The following DLEC1 variants were observed in gnomAD, a reference collection of about 807,000 sequenced individuals.
The protein encoded by DLEC1 is DLEC1 cilia and flagella associated protein.
A neutral mutation model predicts 198.1 loss-of-function variants in DLEC1; 146 were observed. The observed-to-expected ratio is 0.74, with a 90% CI of 0.64 to 0.85. The LOEUF is 0.85. Among genes scored for constraint, DLEC1 ranks in the 40% least tolerant of loss-of-function variants. The probability of loss-of-function intolerance (pLI) is 0.00; values close to 1 mark genes in which losing one functional copy is unlikely to be tolerated. For synonymous variants in DLEC1, 897 were observed against 866.8 expected (o/e 1.03, Z -0.61); for missense variants, 2,233 against 2,220.0 (o/e 1.01, Z -0.12).
intron 6 of DLEC1, among the ~76,000 whole-genome samples, chr3:38,073,614 G>T (rs1049936867): frequency 6.6e-6 from 1 of 152,132 alleles, no homozygotes; most frequent in African/African-American, 2.4e-5. Context: ...AGATAATTTG[G>T]TTAAAATATC....
chr3:38,082,716 GC>G (rs1698116735), intron 6 of DLEC1, among the ~76,000 whole-genome samples: 1 of 151,800 alleles, frequency 6.6e-6, no homozygotes, highest in East Asian at 1.9e-4. Flanking sequence ...TGGGGTACTT[GC>G]CCCTCCCCCA....
Position 38,116,516 on chromosome 3 carries a change from T to C in DLEC1, c.3920T>C (p.Leu1307Pro), listed in dbSNP as rs777504635. 9.9e-6 allele frequency: 16 copies of C among 1,614,086 alleles called. No homozygotes were observed. Among genetic ancestry groups the C allele is most frequent in the South Asian group, 3.3e-5 (3 of 91,080 alleles). The part of the protein sequence containing the change: ...EDKEDRLVEL[L>P]VFYGPPFPLR... ...AAGGAAGACCGGCTGGTGGAGCTGCTGGTGTTTTATGGGCCACCTTTCCCG... is the reference window on the plus strand; with the variant it reads ...AAGGAAGACCGGCTGGTGGAGCTGCCGGTGTTTTATGGGCCACCTTTCCCG... Residue 1307 changes from leucine (L) to proline (P), a missense_variant, in exon 28 of 37, where the codon CTG (leucine) becomes CCG (proline). Leu to Pro is a moderately conservative substitution (Grantham distance 98, BLOSUM62 -3). Coordinates refer to ENST00000308059, the MANE Select transcript of DLEC1 (RefSeq NM_007335.4).
chr3:38,096,341 G>A (rs1269571769), intron 14 of DLEC1, among the ~76,000 whole-genome samples: 1 of 152,218 alleles, frequency 6.6e-6, no homozygotes, highest in Non-Finnish European at 1.5e-5. Context: ...GTCCCTGGAG[G>A]CAGCAGGGCA....
chr3:38,093,638 A>G lies in DLEC1; in HGVS notation c.1790A>G (p.Tyr597Cys), dbSNP rs1393328329. Residue 597 changes from tyrosine (Y) to cysteine (C), a missense_variant, in exon 12 of 37, where the codon TAT becomes TGT. Coordinates refer to ENST00000308059, the MANE Select transcript of DLEC1 (RefSeq NM_007335.4). ...IGQLIALDLI[Y>C]ISGEKSQPDP... Reference sequence around the variant, plus strand: ...CAGCTGATTGCTTTGGATCTGATCTATATTTCTGGTGAAAAAAGCCAGCCA... The same window carrying G: ...CAGCTGATTGCTTTGGATCTGATCTGTATTTCTGGTGAAAAAAGCCAGCCA... 4 of 1,614,198 alleles carry G rather than the reference A, an allele frequency of 2.5e-6. No individual in the cohort carries two copies. Among genetic ancestry groups the G allele is most frequent in the Non-Finnish European group, 3.4e-6 (4 of 1,180,042 alleles).
intron 1 of DLEC1, among the ~76,000 whole-genome samples, chr3:38,043,618 C>T (rs1700753580): frequency 6.6e-6 from 1 of 152,226 alleles, no homozygotes; most frequent in Non-Finnish European, 1.5e-5. Flanking sequence ...CCAGGCCCCT[C>T]CTGCTAAACT....
chr3:38,108,063 C>T lies in DLEC1; in HGVS notation c.3018+326C>T, dbSNP rs114469775. 3.0e-3 allele frequency among the ~76,000 whole-genome samples: 455 copies of T among 152,326 alleles called. 1 individual carries two copies. The highest frequency in any genetic ancestry group is 0.01 in the African/African-American group (432 of 41,584). ...GCCCAGTTGTGGTGCTGCTCCTGCC[C>T]GTGGCTGACTGGGGAGCTCTGAGTG... On this transcript the variant is annotated intron_variant, in intron 20 of 36. Transcript: ENST00000308059.
chr3:38,073,969 C>A (rs1411483840), intron 6 of DLEC1, among the ~76,000 whole-genome samples: 1 of 152,166 alleles, frequency 6.6e-6, no homozygotes, highest in Admixed American at 6.5e-5. Context: ...GTCAGAGAGC[C>A]TTGGGCTAGA....
intron 2 of DLEC1, among the ~76,000 whole-genome samples, chr3:38,052,798 C>G (rs1409155928): frequency 6.6e-6 from 1 of 152,154 alleles, no homozygotes; most frequent in Non-Finnish European, 1.5e-5. Context: ...CTCCCCCTCT[C>G]CCTCTCACTG....
chr3:38,119,421 C>T (rs1474886463), intron 33 of DLEC1, among the ~76,000 whole-genome samples: 1 of 152,204 alleles, frequency 6.6e-6, no homozygotes, highest in Non-Finnish European at 1.5e-5. Flanking sequence ...CCATCTCTGA[C>T]CAAGCCACCA....
intron 2 of DLEC1, among the ~76,000 whole-genome samples, chr3:38,051,426 A>T (rs1701113661): frequency 1.3e-5 from 2 of 152,178 alleles, no homozygotes; most frequent in South Asian, 4.1e-4. Context: ...GAGGGCAATG[A>T]GTTCCAGTGG....
intron 6 of DLEC1, among the ~76,000 whole-genome samples, chr3:38,072,040 T>A (rs1169837724): frequency 1.3e-5 from 2 of 152,144 alleles, no homozygotes; most frequent in East Asian, 3.8e-4. Context: ...CTGCCATCAA[T>A]AAACCAAGTG....
intron 2 of DLEC1, among the ~76,000 whole-genome samples, chr3:38,057,119 G>T (rs896384820): frequency 6.6e-6 from 1 of 152,190 alleles, no homozygotes; most frequent in Non-Finnish European, 1.5e-5. Flanking sequence ...ACAGCTCAGG[G>T]GTGCATCATT....
At chr3:38,088,946 G>C (rs1180846146) in intron 10 of DLEC1, among the ~76,000 whole-genome samples, 3 of 151,922 alleles carry the variant, frequency 2.0e-5, no homozygotes, top group Non-Finnish European at 4.4e-5. Flanking sequence ...CTGCTTGCTG[G>C]TCCCCAGAGG....
intron 2 of DLEC1, among the ~76,000 whole-genome samples, chr3:38,056,724 T>C (rs1189498615): frequency 6.6e-6 from 1 of 151,962 alleles, no homozygotes. Flanking sequence ...CTAGCTTTCA[T>C]CTTAAAAAAA....
intron 14 of DLEC1, among the ~76,000 whole-genome samples, chr3:38,096,230 T>C (rs576745023): frequency 7.2e-5 from 11 of 152,172 alleles, no homozygotes; most frequent in African/African-American, 2.6e-4. Flanking sequence ...CCCTCGGTGG[T>C]GGTGAGTGTG....
chr3:38,058,738 T>C (rs1696516641), intron 2 of DLEC1, among the ~76,000 whole-genome samples: 1 of 151,994 alleles, frequency 6.6e-6, no homozygotes. Context: ...GTGATAATAA[T>C]GTGTCTATGT....
At chr3:38,053,401 C>T (rs531249096) in intron 2 of DLEC1, among the ~76,000 whole-genome samples, 13 of 152,000 alleles carry the variant, frequency 8.6e-5, no homozygotes, top group South Asian at 6.2e-4. Context: ...TCTGCCCCGC[C>T]GCTCCGTCTG....
intron 7 of DLEC1, among the ~76,000 whole-genome samples, chr3:38,084,950 T>C (rs1209841785): frequency 6.6e-6 from 1 of 152,168 alleles, no homozygotes; most frequent in African/African-American, 2.4e-5. Flanking sequence ...AGAACAACTC[T>C]GATCATGTCA....
At chr3:38,087,231 C>A (rs1698505933) in intron 9 of DLEC1, among the ~76,000 whole-genome samples, 1 of 152,160 alleles carries the variant, frequency 6.6e-6, no homozygotes, top group Admixed American at 6.5e-5. Flanking sequence ...CCCAGCTCCA[C>A]CAGTCCCAAG....
Sources: gnomAD v4.1 joint callset for allele counts (sites outside exome capture counted in the v4.1 genomes callset) on GRCh38, gnomAD v4.1.1 for gene constraint, MANE v1.5 for transcripts, NCBI Gene and HGNC (gene_info 2026-07-23, HGNC 2026-07-21) for gene names.